The following LYN variants were observed in gnomAD, a reference collection of about 807,000 sequenced individuals.
The protein encoded by LYN is tyrosine-protein kinase Lyn.
Under a neutral mutation model 65.0 loss-of-function variants are expected in LYN, and 12 were observed. The observed-to-expected ratio is 0.18, with a 90% CI of 0.12 to 0.30. The LOEUF (loss-of-function observed/expected upper bound fraction) is 0.30, where lower values mean the gene tolerates loss of function less well. Among genes scored for constraint, LYN ranks in the 10% least tolerant of loss-of-function variants. The pLI is 1.00. For synonymous variants in LYN, 222 were observed against 221.2 expected, an observed-to-expected ratio of 1.00 and a Z score of -0.03; for missense variants, 380 against 623.2, an observed-to-expected ratio of 0.61 and a Z score of 4.16.
At chr8:55,914,190 AG>A (rs1356853701) in intron 1 of LYN, among the ~76,000 whole-genome samples, 1 of 151,792 alleles carries the variant, frequency 6.6e-6, no homozygotes, top group Non-Finnish European at 1.5e-5. Context: ...GCCAGGTCAG[AG>A]GGTTTTTAGG....
rs2130481884 is a variant in LYN at position 55,945,346 on chromosome 8, A to C, written c.133-1102A>C. ...CTCTAAATCACATAAAATAGATCAT[A>C]TATCCAAATTATGCAAATCTGAATG... On this transcript the variant is annotated intron_variant, in intron 2 of 12. Transcript: ENST00000519728. Among the ~76,000 whole-genome samples, 2 of 152,376 alleles carry C rather than the reference A, an allele frequency of 1.3e-5. 1 individual carries two copies. The highest frequency in any genetic ancestry group is 4.8e-5 in the African/African-American group (2 of 41,592).
At chr8:55,951,816 T>C in intron 6 of LYN, 150 bp from the exon 7 acceptor site, 1 of 566,168 alleles carries the variant, frequency 1.8e-6, no homozygotes, top group East Asian at 3.4e-5. Context: ...GTAGAATTTT[T>C]ATAGGACTTT....
chr8:55,995,080 C>T (rs192113718), intron 10 of LYN, among the ~76,000 whole-genome samples: 28 of 152,278 alleles, frequency 1.8e-4, no homozygotes, highest in South Asian at 6.2e-4. Context: ...CAGGGCTCCT[C>T]TCTCCCAGCC....
chr8:55,972,387 G>C (rs1012136464), intron 10 of LYN, among the ~76,000 whole-genome samples: 7 of 152,108 alleles, frequency 4.6e-5, no homozygotes, highest in Non-Finnish European at 1.0e-4. Context: ...TCTGCTTCTT[G>C]TACCTGTGGC....
intron 1 of LYN, chr8:55,894,141 C>G (rs1805027302): frequency 6.6e-6 from 1 of 152,374 alleles, no homozygotes; most frequent in East Asian, 1.9e-4. Flanking sequence ...AGAGATCATG[C>G]TGAGCCTGTA....
At chr8:56,007,402 TTA>T (rs1393407034) in intron 12 of LYN, among the ~76,000 whole-genome samples, 1 of 152,234 alleles carries the variant, frequency 6.6e-6, no homozygotes, top group Non-Finnish European at 1.5e-5. Context: ...GTCTTTCGCT[TTA>T]AGCAATGAAA....
At chr8:55,903,107 A>G (rs1056003360) in intron 1 of LYN, among the ~76,000 whole-genome samples, 11 of 152,006 alleles carry the variant, frequency 7.2e-5, no homozygotes, top group Non-Finnish European at 1.3e-4. Context: ...TCAGCCTCCC[A>G]CAGTGCTGGG....
intron 12 of LYN, among the ~76,000 whole-genome samples, chr8:56,002,028 C>G (rs7815680): frequency 0.027 from 4,132 of 152,290 alleles, 177 homozygotes; most frequent in African/African-American, 0.092. Context: ...CACGTGTAAT[C>G]CTAGCACTTT....
chr8:55,979,662 C>T (rs369584937), intron 10 of LYN, among the ~76,000 whole-genome samples: 37 of 152,198 alleles, frequency 2.4e-4, no homozygotes, highest in African/African-American at 8.2e-4. Flanking sequence ...GAATGCATTC[C>T]CCAGGTTTTG....
At chr8:55,966,669 G>T (rs1163980000) in intron 8 of LYN, 46 bp from the exon 9 acceptor site, 4 of 1,577,090 alleles carry the variant, frequency 2.5e-6, no homozygotes, top group African/African-American at 2.7e-5. Context: ...CCCCCGGCTA[G>T]ATTTTCTGTT....
rs180979622 is a variant in LYN at position 55,972,767 on chromosome 8, G to A, written c.1050+2974G>A. Among the ~76,000 whole-genome samples the A allele has an allele frequency of 1.9e-3, 284 of 152,308 alleles. 4 individuals are homozygous for A. Among genetic ancestry groups the A allele is most frequent in the African/African-American group, 6.4e-3 (264 of 41,570 alleles). On this transcript the variant is annotated intron_variant, in intron 10 of 12. Coordinates refer to ENST00000519728, the MANE Select transcript of LYN (RefSeq NM_002350.4). ...CGGTGACAGAGATCCCTGGGGCCCA[G>A]ATACTTCGATAATCCAACCTTTTCT...
intron 11 of LYN, 86 bp downstream of exon 11, chr8:55,998,585 C>A: frequency 7.7e-7 from 1 of 1,292,888 alleles, no homozygotes. Flanking sequence ...TTACAATAGT[C>A]ACCATTAAGA....
chr8:55,973,183 CCT>C (rs1484219417), intron 10 of LYN, among the ~76,000 whole-genome samples: 1 of 152,214 alleles, frequency 6.6e-6, no homozygotes, highest in Non-Finnish European at 1.5e-5. Flanking sequence ...TCCGCATTCC[CCT>C]GTCACCCATT....
chr8:55,985,271 T>G (rs763182218), intron 10 of LYN, among the ~76,000 whole-genome samples: 12 of 152,212 alleles, frequency 7.9e-5, no homozygotes, highest in Admixed American at 2.6e-4. Context: ...ATGCTTGACC[T>G]TGCTTCTTCC....
chr8:55,996,634 G>T, intron 10 of LYN, among the ~76,000 whole-genome samples: 1 of 149,758 alleles, frequency 6.7e-6, no homozygotes. Flanking sequence ...TTCCTTGCTT[G>T]CTTTCTTCCA....
intron 9 of LYN, among the ~76,000 whole-genome samples, chr8:55,968,087 A>G (rs970195130): frequency 6.6e-6 from 1 of 152,146 alleles, no homozygotes; most frequent in African/African-American, 2.4e-5. Flanking sequence ...TTTAAAGCAA[A>G]CAAACCAATT....
chr8:55,979,524 C>T (rs536852291), intron 10 of LYN, among the ~76,000 whole-genome samples: 1 of 152,312 alleles, frequency 6.6e-6, no homozygotes, highest in South Asian at 2.1e-4. Flanking sequence ...GTCTGTAGCT[C>T]TGCAGCTCGT....
chr8:55,970,736 G>A (rs745872883), intron 10 of LYN, among the ~76,000 whole-genome samples: 4 of 152,070 alleles, frequency 2.6e-5, no homozygotes, highest in Admixed American at 6.6e-5. Context: ...CTGGACACAG[G>A]TTCTGTAATA....
intron 10 of LYN, among the ~76,000 whole-genome samples, chr8:55,991,878 T>C (rs1371140812): frequency 6.6e-6 from 1 of 152,090 alleles, no homozygotes; most frequent in Non-Finnish European, 1.5e-5. Context: ...AAAAAGAAAC[T>C]AAAAAATGTG....
Sources: allele counts gnomAD v4.1 joint callset (sites outside exome capture counted in the v4.1 genomes callset), GRCh38; gene constraint gnomAD v4.1.1; transcripts MANE v1.5; gene names NCBI Gene and HGNC (gene_info 2026-07-23, HGNC 2026-07-21).